PHACTR3: variants seen among roughly 807,000 people sequenced by gnomAD.
The protein encoded by PHACTR3 is protein phosphatase 1, regulatory subunit 123.
Under a neutral mutation model 66.8 loss-of-function variants are expected in PHACTR3, and 16 were observed. The ratio of observed to expected loss-of-function variants is 0.24; its 90% confidence interval spans 0.16 to 0.36. The LOEUF (loss-of-function observed/expected upper bound fraction) is 0.36. Ranked by LOEUF, PHACTR3 falls within the 10% of genes least tolerant of loss-of-function variation. PHACTR3 has a pLI of 1.00. For missense variants in PHACTR3, 647 were observed against 719.9 expected, an observed-to-expected ratio of 0.90 and a Z score of 1.16; for synonymous variants, 323 against 292.1, an observed-to-expected ratio of 1.11 and a Z score of -1.08.
intron 7 of PHACTR3, among the ~76,000 whole-genome samples, chr20:59,794,603 T>G (rs1193794159): frequency 6.6e-6 from 1 of 152,214 alleles, no homozygotes; most frequent in Non-Finnish European, 1.5e-5. Flanking sequence ...TAGAATAGTT[T>G]AGGAAGAACT....
At chr20:59,679,731 G>A (rs963007611) in intron 1 of PHACTR3, among the ~76,000 whole-genome samples, 5 of 152,120 alleles carry the variant, frequency 3.3e-5, no homozygotes, top group East Asian at 1.9e-4. Flanking sequence ...CATGTCTTAC[G>A]TGGCAGCAGA....
intron 7 of PHACTR3, among the ~76,000 whole-genome samples, chr20:59,780,670 C>T (rs768295537): frequency 6.6e-6 from 1 of 152,188 alleles, no homozygotes; most frequent in African/African-American, 2.4e-5. Flanking sequence ...GGGAATGTCA[C>T]AGGGAGGGCT....
At chr20:59,692,646 T>C (rs1601118237) in intron 1 of PHACTR3, among the ~76,000 whole-genome samples, 1 of 152,194 alleles carries the variant, frequency 6.6e-6, no homozygotes, top group African/African-American at 2.4e-5. Flanking sequence ...AAAAGGTGAA[T>C]GCGGAGCCAG....
At chr20:59,837,627 T>C (rs528504938) in intron 9 of PHACTR3, among the ~76,000 whole-genome samples, 1 of 152,368 alleles carries the variant, frequency 6.6e-6, no homozygotes, top group Admixed American at 6.5e-5. Context: ...AGAAAAGCTC[T>C]TCATTGATAA....
intron 1 of PHACTR3, among the ~76,000 whole-genome samples, chr20:59,678,899 G>A (rs2036544874): frequency 1.3e-5 from 2 of 151,958 alleles, no homozygotes; most frequent in Non-Finnish European, 2.9e-5. Flanking sequence ...AGCACCTGGA[G>A]GGGCTGTTAC....
At chr20:59,594,405 C>T (rs1423986050) in intron 1 of PHACTR3, among the ~76,000 whole-genome samples, 1 of 151,586 alleles carries the variant, frequency 6.6e-6, no homozygotes, top group Non-Finnish European at 1.5e-5. Context: ...TTATTTCTTC[C>T]TTCCTAATCT....
At chr20:59,722,413 T>A (rs2038351998) in intron 1 of PHACTR3, among the ~76,000 whole-genome samples, 1 of 152,078 alleles carries the variant, frequency 6.6e-6, no homozygotes, top group Non-Finnish European at 1.5e-5. Context: ...TGGAAGGCCC[T>A]GAGGCAGCAA....
At chr20:59,742,101 C>T (rs1487660082) in intron 1 of PHACTR3, among the ~76,000 whole-genome samples, 1 of 152,270 alleles carries the variant, frequency 6.6e-6, no homozygotes, top group Non-Finnish European at 1.5e-5. Context: ...CAGACATTTT[C>T]TCTCCACACA....
intron 1 of PHACTR3, among the ~76,000 whole-genome samples, chr20:59,584,939 T>C (rs2032977114): frequency 6.6e-6 from 1 of 152,030 alleles, no homozygotes; most frequent in African/African-American, 2.4e-5. Context: ...CTCATTTTAA[T>C]GTAATCACCC....
intron 1 of PHACTR3, among the ~76,000 whole-genome samples, chr20:59,589,906 C>T (rs181622402): frequency 3.3e-5 from 5 of 152,176 alleles, no homozygotes; most frequent in East Asian, 1.9e-4. Flanking sequence ...TCATGATCTC[C>T]GCCTCCTGGC....
chr20:59,630,696 G>C (rs1349706387), intron 1 of PHACTR3, among the ~76,000 whole-genome samples: 1 of 152,192 alleles, frequency 6.6e-6, no homozygotes, highest in Admixed American at 6.5e-5. Flanking sequence ...ACTGGGGTGG[G>C]CGGTTACCTG....
At chr20:59,783,518 G>A (rs2040801918) in intron 7 of PHACTR3, among the ~76,000 whole-genome samples, 1 of 142,538 alleles carries the variant, frequency 7.0e-6, no homozygotes, top group South Asian at 2.2e-4. Context: ...TATTGCCTAA[G>A]TCCCTTGACA....
chr20:59,841,671 C>G (rs2059064437), intron 11 of PHACTR3, 136 bp downstream of exon 11: 1 of 938,760 alleles, frequency 1.1e-6, no homozygotes, highest in Non-Finnish European at 1.5e-6. Flanking sequence ...ATTGGTTTCT[C>G]AAAGATAATT....
In PHACTR3 at chr20:59,806,162, G is replaced by A. The variant is rs2041562820; in HGVS notation, c.1296G>A (p.Glu432=). 2.5e-6 allele frequency: 4 copies of A among 1,614,262 alleles called. No individual in the cohort carries two copies. Among genetic ancestry groups the A allele is most frequent in the Non-Finnish European group, 3.4e-6 (4 of 1,180,044 alleles). The change falls in exon 8 of 13, where the codon GAG becomes GAA. Residue 432 remains glutamate, a synonymous_variant. Coordinates refer to ENST00000371015, the MANE Select transcript of PHACTR3 (RefSeq NM_080672.5). ...FPRRTDEERQ[E]IRQQIEMKLS... is the part of the protein sequence containing the mutation. Reference sequence around the variant, plus strand: ...GAAGGACTGATGAAGAAAGACAGGAGATCCGGCAGCAGATCGAGATGAAGC... The same window carrying A: ...GAAGGACTGATGAAGAAAGACAGGAAATCCGGCAGCAGATCGAGATGAAGC...
intron 1 of PHACTR3, among the ~76,000 whole-genome samples, chr20:59,691,191 T>C (rs2037094793): frequency 6.6e-6 from 1 of 152,226 alleles, no homozygotes; most frequent in Non-Finnish European, 1.5e-5. Flanking sequence ...GTAGCTTCCA[T>C]GTGGCCTCGG....
chr20:59,724,555 C>T (rs916712180), intron 1 of PHACTR3, among the ~76,000 whole-genome samples: 3 of 152,140 alleles, frequency 2.0e-5, no homozygotes, highest in Admixed American at 6.5e-5. Flanking sequence ...CTCAGGCGTG[C>T]GTGGCCGGCA....
chr20:59,642,904 TTTTGTTTG>T (rs981278567), intron 1 of PHACTR3, among the ~76,000 whole-genome samples: 3 of 152,154 alleles, frequency 2.0e-5, no homozygotes, highest in South Asian at 4.2e-4. Flanking sequence ...TCTTCTTGTT[TTTTGTTTG>T]TTTGTTTGTT....
At chr20:59,595,685 C>T (rs549285221) in intron 1 of PHACTR3, among the ~76,000 whole-genome samples, 42 of 152,206 alleles carry the variant, frequency 2.8e-4, no homozygotes, top group East Asian at 9.7e-4. Context: ...ACGGGTATTG[C>T]GGTCACCAAC....
intron 8 of PHACTR3, 144 bp from the exon 9 acceptor site, chr20:59,836,361 C>T (rs1010102002): frequency 1.5e-5 from 10 of 657,036 alleles, no homozygotes; most frequent in African/African-American, 5.7e-5. Context: ...CAAGAGGCAA[C>T]AACCAAAGGT....
Sources: gnomAD v4.1 joint callset for allele counts (sites outside exome capture counted in the v4.1 genomes callset) on GRCh38, gnomAD v4.1.1 for gene constraint, MANE v1.5 for transcripts, NCBI Gene and HGNC (gene_info 2026-07-23, HGNC 2026-07-21) for gene names.